Variants in PTPRM observed in about 807,000 individuals in gnomAD.
PTPRM encodes the protein protein tyrosine phosphatase receptor type M.
A neutral mutation model predicts 186.7 loss-of-function variants in PTPRM; 47 were observed. The ratio of observed to expected loss-of-function variants is 0.25; its 90% confidence interval spans 0.20 to 0.32. The LOEUF is 0.32. Ranked by LOEUF, PTPRM falls within the 10% of genes least tolerant of loss-of-function variation. The probability of loss-of-function intolerance (pLI) is 1.00; values close to 1 mark genes in which losing one functional copy is unlikely to be tolerated. For missense variants in PTPRM, 1,494 were observed against 1,865.0 expected (o/e 0.80, Z 3.66); for synonymous variants, 668 against 674.9 (o/e 0.99, Z 0.16).
At chr18:8,001,202 C>T (rs1048673701) in intron 7 of PTPRM, among the ~76,000 whole-genome samples, 20 of 152,130 alleles carry the variant, frequency 1.3e-4, no homozygotes, top group African/African-American at 4.6e-4. Context: ...GGTCTGAATT[C>T]GTTGCAAGTC....
At chr18:7,683,949 G>A (rs1409297512) in intron 1 of PTPRM, among the ~76,000 whole-genome samples, 1 of 152,004 alleles carries the variant, frequency 6.6e-6, no homozygotes, top group Non-Finnish European at 1.5e-5. Flanking sequence ...TATCAGCAGG[G>A]GGTTGCTCGC....
chr18:8,073,179 AT>A (rs1424093897), intron 8 of PTPRM, among the ~76,000 whole-genome samples: 3 of 152,242 alleles, frequency 2.0e-5, no homozygotes, highest in Non-Finnish European at 4.4e-5. Context: ...CTGCACATGG[AT>A]TAACACATAT....
intron 2 of PTPRM, among the ~76,000 whole-genome samples, chr18:7,867,235 T>C (rs1014328156): frequency 2.0e-5 from 3 of 152,230 alleles, no homozygotes; most frequent in African/African-American, 7.2e-5. Flanking sequence ...TTTGATCCTG[T>C]CATTATGATG....
chr18:7,863,533 C>T lies in PTPRM; in HGVS notation c.197-24573C>T, dbSNP rs540242717. On this transcript the variant is annotated intron_variant, in intron 2 of 32. Coordinates refer to ENST00000580170, the MANE Select transcript of PTPRM (RefSeq NM_001105244.2). The stretch of plus-strand genomic sequence containing the variant: ...GTCCCTGCAAAGGACATGAACTCAT[C>T]CTTTTTTATGGCTGCCTAGTATTTC... Among the ~76,000 whole-genome samples the T allele has an allele frequency of 4.6e-5, 7 of 152,260 alleles. No individual in the cohort carries two copies. The South Asian group carries it at 1.2e-3, about 27-fold the overall frequency.
rs2095716428 is a variant in PTPRM at position 8,379,315 on chromosome 18, A to C, written c.3761A>C (p.Asn1254Thr). ...ATCACCATCGATGGGGAGAGCAGCA[A>C]CTACATCAATGCTGCCCTCATGGAC... ...FLITIDGESS[N>T]YINAALMDSY... The change falls in exon 28 of 33, where the codon AAC (asparagine) becomes ACC (threonine). Residue 1254 changes from asparagine (N) to threonine (T), a missense_variant. Transcript: ENST00000580170. 1 of 1,613,220 alleles carries C rather than the reference A, an allele frequency of 6.2e-7. No individual in the cohort carries two copies. The highest frequency in any genetic ancestry group is 8.5e-7 in the Non-Finnish European group (1 of 1,179,714).
Position 8,055,906 on chromosome 18 carries a change from C to T in PTPRM, c.1133-13780C>T, listed in dbSNP as rs138673711. Among the ~76,000 whole-genome samples, 52 of 152,206 alleles carry T rather than the reference C, an allele frequency of 3.4e-4. No individual in the cohort carries two copies. The East Asian group carries it at 9.9e-3, about 29-fold the overall frequency. ...TGGCCCATGGCTTAATCTTTGGATG[C>T]CGGTGCTGATATAGACAACTAGAGT... On this transcript the variant is annotated intron_variant, in intron 7 of 32. Coordinates refer to ENST00000580170, the MANE Select transcript of PTPRM (RefSeq NM_001105244.2).
At chr18:8,177,960 T>A (rs1321227702) in intron 14 of PTPRM, among the ~76,000 whole-genome samples, 1 of 152,156 alleles carries the variant, frequency 6.6e-6, no homozygotes, top group South Asian at 2.1e-4. Context: ...GTGCACATGC[T>A]CACTTAAGAC....
chr18:8,078,259 T>C (rs1568304201), intron 9 of PTPRM, among the ~76,000 whole-genome samples: 1 of 152,180 alleles, frequency 6.6e-6, no homozygotes, highest in Non-Finnish European at 1.5e-5. Context: ...GAAATGCACC[T>C]GTGAGCTACG....
chr18:8,132,855 T>G (rs1020383367), intron 13 of PTPRM, among the ~76,000 whole-genome samples: 1 of 152,196 alleles, frequency 6.6e-6, no homozygotes, highest in Non-Finnish European at 1.5e-5. Flanking sequence ...TGTTAGTCTC[T>G]TTTTATCATT....
At chr18:8,290,771 A>G (rs186268651) in intron 19 of PTPRM, among the ~76,000 whole-genome samples, 93 of 152,280 alleles carry the variant, frequency 6.1e-4, no homozygotes, top group African/African-American at 2.0e-3. Context: ...GAGCTAAGGT[A>G]GTCAGAGGAA....
intron 13 of PTPRM, among the ~76,000 whole-genome samples, chr18:8,126,023 A>T (rs201419805): frequency 0.3 from 13,685 of 45,642 alleles, 2,339 homozygotes; most frequent in South Asian, 0.4. Flanking sequence ...ATATATATAT[A>T]TATATTTTAA....
At chr18:7,597,889 A>G (rs976647683) in intron 1 of PTPRM, among the ~76,000 whole-genome samples, 8 of 152,250 alleles carry the variant, frequency 5.3e-5, no homozygotes, top group African/African-American at 1.9e-4. Context: ...CCCTAAAACT[A>G]TCCAGATATG....
chr18:8,281,759 G>A (rs1235740430), intron 19 of PTPRM, among the ~76,000 whole-genome samples: 1 of 152,114 alleles, frequency 6.6e-6, no homozygotes. Context: ...TAACAACTCT[G>A]AGATCACAGA....
At chr18:7,633,753 A>C (rs1422095032) in intron 1 of PTPRM, among the ~76,000 whole-genome samples, 1 of 152,138 alleles carries the variant, frequency 6.6e-6, no homozygotes, top group African/African-American at 2.4e-5. Flanking sequence ...TCTGGTTCTC[A>C]AGCTGAGAAA....
intron 1 of PTPRM, among the ~76,000 whole-genome samples, chr18:7,763,056 A>C (rs1479649325): frequency 6.6e-6 from 1 of 152,172 alleles, no homozygotes; most frequent in Non-Finnish European, 1.5e-5. Context: ...TTGCACCCCA[A>C]AATCCTTAAG....
In PTPRM at chr18:7,591,372, C is replaced by A. The variant is rs547936630; in HGVS notation, c.73+23481C>A. Among the ~76,000 whole-genome samples the A allele has an allele frequency of 2.0e-5, 3 of 152,252 alleles. No individual in the cohort carries two copies. In the South Asian group the frequency reaches 6.2e-4, roughly 32 times the overall value. On this transcript the variant is annotated intron_variant, in intron 1 of 32. Coordinates refer to ENST00000580170, the MANE Select transcript of PTPRM (RefSeq NM_001105244.2). ...CAGAGAGCTTGGAGAAGCAGCTTGC[C>A]AGTGGTCAGAGGGAGGGAGTGGGGA...
At chr18:8,051,368 A>T (rs1311035758) in intron 7 of PTPRM, among the ~76,000 whole-genome samples, 1 of 152,218 alleles carries the variant, frequency 6.6e-6, no homozygotes, top group African/African-American at 2.4e-5. Context: ...CATAACAATA[A>T]TCAACTTCCC....
chr18:8,295,301 G>A (rs932538434), intron 19 of PTPRM, among the ~76,000 whole-genome samples: 4 of 152,152 alleles, frequency 2.6e-5, no homozygotes, highest in Admixed American at 6.5e-5. Flanking sequence ...TCTACCTAGC[G>A]ACAGACTAAT....
At chr18:8,280,497 G>C (rs912991512) in intron 19 of PTPRM, among the ~76,000 whole-genome samples, 1 of 152,034 alleles carries the variant, frequency 6.6e-6, no homozygotes. Context: ...TTTGAGACCC[G>C]ACCAAGGTTG....
Sources: allele counts gnomAD v4.1 joint callset (sites outside exome capture counted in the v4.1 genomes callset), GRCh38; gene constraint gnomAD v4.1.1; transcripts MANE v1.5; gene names NCBI Gene and HGNC (gene_info 2026-07-23, HGNC 2026-07-21).